The following ARVCF variants were observed in gnomAD, a reference collection of about 807,000 sequenced individuals.
The protein encoded by ARVCF is ARVCF delta catenin family member.
Under a neutral mutation model 90.9 loss-of-function variants are expected in ARVCF, and 66 were observed. The ratio of observed to expected loss-of-function variants is 0.73; its 90% CI spans 0.60 to 0.89. The LOEUF (loss-of-function observed/expected upper bound fraction) is 0.89, where lower values mean the gene tolerates loss of function less well. Ranked by LOEUF, ARVCF falls within the 40% of genes least tolerant of loss-of-function variation. The pLI is 0.00. For missense variants in ARVCF, 1,469 were observed against 1,382.3 expected (o/e 1.06, Z -1.00); for synonymous variants, 653 against 603.4 (o/e 1.08, Z -1.21).
rs555347593 is a variant in ARVCF at position 19,971,426 on chromosome 22, G to A, written c.2782-91C>T. On this transcript the variant is annotated intron_variant, in intron 18 of 19. Transcript: ENST00000263207. ...GGGCAGGGGCAGGGCCGAGGCTGGCGATGTAAGGGTTGGCCTGCCAGGACA... is the reference window on the plus strand; with the variant it reads ...GGGCAGGGGCAGGGCCGAGGCTGGCAATGTAAGGGTTGGCCTGCCAGGACA... The A allele has an allele frequency of 4.9e-4, 697 of 1,435,954 alleles. 1 individual carries two copies. The African/African-American group carries it at 8.8e-3, about 18-fold the overall frequency. 89.0% of individuals were successfully genotyped at this position (1,435,954 alleles called of 1,614,324 possible).
intron 2 of ARVCF, among the ~76,000 whole-genome samples, chr22:20,006,520 A>C (rs1944632453): frequency 1.3e-5 from 2 of 148,574 alleles, no homozygotes; most frequent in Admixed American, 6.7e-5. Context: ...CGGAGCTTGC[A>C]GTGAGCCGAG....
At chr22:20,004,050 A>C (rs746503247) in intron 2 of ARVCF, among the ~76,000 whole-genome samples, 1 of 152,208 alleles carries the variant, frequency 6.6e-6, no homozygotes, top group African/African-American at 2.4e-5. Context: ...GAATACCCAG[A>C]AATCAGTTGC....
intron 1 of ARVCF, among the ~76,000 whole-genome samples, chr22:20,011,014 A>G (rs1029046910): frequency 1.3e-5 from 2 of 152,322 alleles, no homozygotes; most frequent in African/African-American, 4.8e-5. Context: ...GCTGCCCCCA[A>G]CAGTCTCCAG....
In ARVCF at chr22:19,979,731, G is replaced by A. The variant is rs1943374689; in HGVS notation, c.1396+12C>T. On this transcript the variant is annotated intron_variant, in intron 6 of 19. Transcript: ENST00000263207. ...TTCCCAGGGGATGTGAGCATGGCCA[G>A]GTCCCACTCACCAGTGACAAGCTCA... is the stretch of plus-strand genomic sequence containing the variant. 19 of 1,586,474 alleles carry A rather than the reference G, an allele frequency of 1.2e-5. No homozygotes were observed. Among genetic ancestry groups the A allele is most frequent in the Non-Finnish European group, 1.5e-5 (18 of 1,162,580 alleles).
At position 19,976,653 on chromosome 22, in the gene ARVCF, C is replaced by T. The variant is rs1943169434; in HGVS notation, c.1888+53G>A. The T allele has an allele frequency of 2.6e-6, 4 of 1,549,092 alleles. No homozygotes were observed. In the East Asian group the frequency reaches 9.7e-5, roughly 38 times the overall value. ...GGGCTGGAACGTGCTCGCCTCTTCC[C>T]AGGTACCCACTGCACACGCCAGGCC... On this transcript the variant is annotated intron_variant, in intron 10 of 19. Coordinates refer to ENST00000263207, the MANE Select transcript of ARVCF (RefSeq NM_001670.3).
At chr22:20,015,618 G>C (rs756694011) in intron 1 of ARVCF, among the ~76,000 whole-genome samples, 4 of 152,184 alleles carry the variant, frequency 2.6e-5, no homozygotes, top group Non-Finnish European at 4.4e-5. Context: ...CTACCCCAGA[G>C]AAGCTAAGGT....
chr22:19,980,064 C>G lies in ARVCF; in HGVS notation c.1075G>C (p.Glu359Gln). 6.3e-7 allele frequency: 1 copy of G among 1,582,592 alleles called. No individual in the cohort carries two copies. ...ARKEPRWRDP[E>Q]LPEVLAMLRH... ...AGCATGGCCAGCACCTCAGGCAGCT[C>G]AGGGTCCCGCCAGCGCGGCTCCTTG... is the stretch of plus-strand genomic sequence containing the variant. Residue 359 changes from glutamate to glutamine, a missense_variant, in exon 6 of 20, where the codon GAG becomes CAG. Coordinates refer to ENST00000263207, the MANE Select transcript of ARVCF (RefSeq NM_001670.3).
intron 2 of ARVCF, among the ~76,000 whole-genome samples, chr22:20,008,390 C>T (rs1944709455): frequency 6.6e-6 from 1 of 152,206 alleles, no homozygotes; most frequent in African/African-American, 2.4e-5. Context: ...CACGCACCAC[C>T]CCATCACACC....
rs1058399 is a variant in ARVCF at position 19,980,020 on chromosome 22, G to A, written c.1119C>T (p.Pro373=). 0.011 allele frequency: 18,216 copies of A among 1,590,260 alleles called. 1,514 individuals are homozygous for A. In the African/African-American group the frequency reaches 0.2, roughly 17 times the overall value. Residue 373 remains proline (P), a synonymous_variant, in exon 6 of 20, where the codon CCC becomes CCT. Coordinates refer to ENST00000263207, the MANE Select transcript of ARVCF (RefSeq NM_001670.3). ...GGTAGGCGGCCGCATTGGCCTTCAC[G>A]GGGTCCACGGGGTGCCGCAGCATGG... The part of the protein sequence containing the change: ...VLAMLRHPVD[P]VKANAAAYLQ...
rs545917955 is a variant in ARVCF, at chr22:19,973,248, C to A, written c.2309G>T (p.Cys770Phe). 8 of 1,610,402 alleles carry A rather than the reference C, an allele frequency of 5.0e-6. No individual in the cohort carries two copies. In the East Asian group the frequency reaches 1.3e-4, roughly 27 times the overall value. ...NAQAPPRPGA[C>F]LEEDTVVAVL... ...CGCCACCACGGTGTCTTCCTCCAGGCAGGCCCCCGGTCGCGGCGGAGCCTG... is the reference window on the plus strand; with the variant it reads ...CGCCACCACGGTGTCTTCCTCCAGGAAGGCCCCCGGTCGCGGCGGAGCCTG... The change falls in exon 14 of 20, where the codon TGC (cysteine) becomes TTC (phenylalanine). Residue 770 changes from cysteine to phenylalanine, a missense_variant. By Grantham distance (205) the Cys-to-Phe change is radical. Coordinates refer to ENST00000263207, the MANE Select transcript of ARVCF (RefSeq NM_001670.3).
intron 3 of ARVCF, among the ~76,000 whole-genome samples, chr22:19,984,361 G>A (rs1943654462): frequency 6.6e-6 from 1 of 152,070 alleles, no homozygotes; most frequent in South Asian, 2.1e-4. Flanking sequence ...GGAGAGCCAC[G>A]CCCCCGCAGC....
Position 20,001,042 on chromosome 22 carries a change from A to G in ARVCF, c.-19+9413T>C, listed in dbSNP as rs182756678. 7.3e-4 allele frequency among the ~76,000 whole-genome samples: 111 copies of G among 152,130 alleles called. 1 individual carries two copies. The East Asian group carries it at 0.015, about 20-fold the overall frequency. On this transcript the variant is annotated intron_variant, in intron 2 of 19. Transcript: ENST00000263207. ...CACAGGCACACGCACCAGCAGGCAC[A>G]CTCGTCCACACCCATATGGCTGCTG... is the stretch of plus-strand genomic sequence containing the variant.
At chr22:19,998,572 CAG>C (rs1944336971) in intron 2 of ARVCF, among the ~76,000 whole-genome samples, 1 of 152,204 alleles carries the variant, frequency 6.6e-6, no homozygotes, top group African/African-American at 2.4e-5. Context: ...TGAGGCTGGG[CAG>C]AGACAGCACC....
chr22:19,974,057 T>C (rs889580906), intron 12 of ARVCF, 55 bp downstream of exon 12: 247 of 1,560,298 alleles, frequency 1.6e-4, no homozygotes, highest in Non-Finnish European at 2.0e-4. Flanking sequence ...ACCAGTGAGG[T>C]GCCTGGGATT....
chr22:19,972,321 C>A (rs747208340), intron 17 of ARVCF, 37 bp downstream of exon 17: 2 of 1,613,450 alleles, frequency 1.2e-6, no homozygotes, highest in South Asian at 1.1e-5. Flanking sequence ...GGTCCCCTCC[C>A]GGCACAGAAA....
rs1032144700 is a variant in ARVCF, at chr22:19,990,624, C to T, written c.171G>A (p.Gly57=). ...PGMVSGGMGS[G]QPLPMAWQQL... is the part of the protein sequence containing the mutation. Reference sequence around the variant, plus strand: ...GTTGCCAGGCCATTGGCAGGGGCTGCCCACTGCCCATGCCACCACTGACCA... The same window carrying T: ...GTTGCCAGGCCATTGGCAGGGGCTGTCCACTGCCCATGCCACCACTGACCA... The change falls in exon 3 of 20, where the codon GGG becomes GGA. Residue 57 remains glycine (G), a synonymous_variant. Coordinates refer to ENST00000263207, the MANE Select transcript of ARVCF (RefSeq NM_001670.3). 4.8e-5 allele frequency: 78 copies of T among 1,609,846 alleles called. No individual in the cohort carries two copies. The highest frequency in any genetic ancestry group is 1.7e-4 in the Middle Eastern group (1 of 6,052).
At position 19,969,987 on chromosome 22, in the gene ARVCF, A is replaced by C. The variant is rs1942655954; in HGVS notation, c.*769T>G. The C allele has an allele frequency of 1.0e-6, 1 of 985,474 alleles. No homozygotes were observed. Among genetic ancestry groups the C allele is most frequent in the Non-Finnish European group, 1.2e-6 (1 of 829,928 alleles). 61.0% of individuals were successfully genotyped at this position (985,474 alleles called of 1,614,324 possible). ...TGGCTTATTTTTAATGCTTTTTCTC[A>C]GTGTTTTTCTTCTGTTTCTGAGTCA... On this transcript the variant is annotated 3_prime_UTR_variant, in exon 20 of 20. Transcript: ENST00000263207.
chr22:19,986,985 C>A, intron 3 of ARVCF: 2 of 635,354 alleles, frequency 3.1e-6, no homozygotes, highest in Non-Finnish European at 5.7e-6. Flanking sequence ...CTCCGCGGAA[C>A]AAAAGCGGGT....
Position 19,974,206 on chromosome 22 carries a change from C to T in ARVCF, c.1994G>A (p.Arg665His). The part of the protein sequence containing the change: ...FELLYQPEVV[R>H]LYLSLLTESR... ...CTCCGTGAGGAGGGAGAGGTAGAGACGTACCACCTCGGGCTGGTACAGCAG... is the reference window on the plus strand; with the variant it reads ...CTCCGTGAGGAGGGAGAGGTAGAGATGTACCACCTCGGGCTGGTACAGCAG... Residue 665 changes from arginine (R) to histidine (H), a missense_variant, in exon 12 of 20, where the codon CGT becomes CAT. Physicochemically the swap from Arg to His is conservative, Grantham distance 29. Coordinates refer to ENST00000263207, the MANE Select transcript of ARVCF (RefSeq NM_001670.3). The T allele has an allele frequency of 1.2e-6, 2 of 1,612,520 alleles. No individual in the cohort carries two copies. The highest frequency in any genetic ancestry group is 1.7e-6 in the Non-Finnish European group (2 of 1,179,658).
Sources: allele counts gnomAD v4.1 joint callset (sites outside exome capture counted in the v4.1 genomes callset), GRCh38; gene constraint gnomAD v4.1.1; transcripts MANE v1.5; gene names NCBI Gene and HGNC (gene_info 2026-07-23, HGNC 2026-07-21).